Variants in IQCM observed in about 807,000 individuals in gnomAD.
The protein encoded by IQCM is IQ motif containing M.
A neutral mutation model predicts 57.6 loss-of-function variants in IQCM; 45 were observed. The ratio of observed to expected loss-of-function variants is 0.78; its 90% CI spans 0.62 to 1.00. IQCM has a LOEUF of 1.00. Ranked by LOEUF, IQCM falls within the 50% of genes least tolerant of loss-of-function variation. IQCM has a pLI of 0.00. For missense variants in IQCM, 468 were observed against 511.6 expected (o/e 0.91, Z 0.82); for synonymous variants, 148 against 158.9 (o/e 0.93, Z 0.51).
chr4:149,460,161 C>T (rs1306153657), intron 12 of IQCM, among the ~76,000 whole-genome samples: 1 of 152,066 alleles, frequency 6.6e-6, no homozygotes, highest in Non-Finnish European at 1.5e-5. Flanking sequence ...TTGCATTTCC[C>T]TAATGATTAG....
At chr4:149,697,266 G>C (rs909737595) in intron 5 of IQCM, among the ~76,000 whole-genome samples, 1 of 152,146 alleles carries the variant, frequency 6.6e-6, no homozygotes, top group East Asian at 1.9e-4. Context: ...GTCAAGGTCT[G>C]TTCCTCCTCA....
intron 12 of IQCM, among the ~76,000 whole-genome samples, chr4:149,487,086 T>C (rs1400218288): frequency 6.6e-6 from 1 of 152,146 alleles, no homozygotes; most frequent in Non-Finnish European, 1.5e-5. Context: ...AGGCTCACAG[T>C]GTACTCCCTG....
chr4:149,804,431 A>G (rs986614667), intron 2 of IQCM, among the ~76,000 whole-genome samples: 9 of 151,982 alleles, frequency 5.9e-5, no homozygotes, highest in African/African-American at 1.9e-4. Flanking sequence ...TCCACTGCCA[A>G]TGAGCTGTGA....
chr4:149,802,406 A>G (rs1773685572), intron 2 of IQCM, among the ~76,000 whole-genome samples: 1 of 151,966 alleles, frequency 6.6e-6, no homozygotes, highest in African/African-American at 2.4e-5. Context: ...GTAGCCATAA[A>G]AATTCCACAG....
chr4:149,457,675 A>G (rs963661337), intron 12 of IQCM, among the ~76,000 whole-genome samples: 2 of 152,070 alleles, frequency 1.3e-5, no homozygotes, highest in African/African-American at 4.8e-5. Context: ...ATAGAAAGTT[A>G]TTTCTTGAAA....
chr4:149,695,832 G>T (rs535613786), intron 5 of IQCM, among the ~76,000 whole-genome samples: 1 of 152,032 alleles, frequency 6.6e-6, no homozygotes, highest in Non-Finnish European at 1.5e-5. Context: ...CAGTGAGTTC[G>T]CCATGAAGAC....
In IQCM at chr4:149,669,834, A is replaced by G. The variant is rs372803465; in HGVS notation, c.565+12284T>C. ...GGGCTCTGCTTTGTTTTGTTGGTCT[A>G]TATCTCTGTTTTGGTACCAGCACCA... On this transcript the variant is annotated intron_variant, in intron 7 of 13. Transcript: ENST00000636793. Among the ~76,000 whole-genome samples, 54 of 152,204 alleles carry G rather than the reference A, an allele frequency of 3.5e-4. No homozygotes were observed. In the Middle Eastern group the frequency reaches 0.014, roughly 38 times the overall value.
intron 5 of IQCM, among the ~76,000 whole-genome samples, chr4:149,732,185 G>A (rs577766609): frequency 6.6e-6 from 1 of 152,132 alleles, no homozygotes; most frequent in African/African-American, 2.4e-5. Context: ...CAAATTCTAG[G>A]TCTACTATTA....
intron 13 of IQCM, among the ~76,000 whole-genome samples, chr4:149,353,552 A>C: frequency 6.6e-6 from 1 of 152,208 alleles, no homozygotes; most frequent in East Asian, 1.9e-4. Context: ...TTCATTGGAC[A>C]AATAGATTAA....
intron 12 of IQCM, among the ~76,000 whole-genome samples, chr4:149,528,309 C>T (rs1181000279): frequency 6.6e-6 from 1 of 152,090 alleles, no homozygotes; most frequent in Non-Finnish European, 1.5e-5. Flanking sequence ...AAATAGAATA[C>T]TCAGTTGTCT....
rs138554569 is a variant in IQCM, at chr4:149,704,589, G to A, written c.386-18121C>T. On this transcript the variant is annotated intron_variant, in intron 5 of 13. Transcript: ENST00000636793. ...GGTACTTATGAAGGAAAAGTTCTCC[G>A]GACAGAGTAATAAGGCTGAGCATAT... Among the ~76,000 whole-genome samples the A allele has an allele frequency of 2.5e-3, 377 of 151,800 alleles. 6 individuals carry two copies. In the East Asian group the frequency reaches 0.037, roughly 15 times the overall value.
chr4:149,510,685 A>G (rs764167671), intron 12 of IQCM, among the ~76,000 whole-genome samples: 17 of 152,088 alleles, frequency 1.1e-4, no homozygotes, highest in Non-Finnish European at 2.4e-4. Context: ...TTCTTTCATG[A>G]TCTTTACAGT....
intron 12 of IQCM, among the ~76,000 whole-genome samples, chr4:149,441,287 A>G (rs1449634088): frequency 6.6e-6 from 1 of 152,190 alleles, no homozygotes; most frequent in East Asian, 1.9e-4. Flanking sequence ...GGTATAATCC[A>G]TCTTGATGCA....
At chr4:149,710,886 A>G (rs2149831332) in intron 5 of IQCM, 1 of 152,186 alleles carries the variant, frequency 6.6e-6, no homozygotes, top group Non-Finnish European at 1.5e-5. Context: ...ACTAACCCAT[A>G]CAAGAAATCA....
chr4:149,411,990 TATC>T (rs1443982089), intron 13 of IQCM, among the ~76,000 whole-genome samples: 1 of 152,174 alleles, frequency 6.6e-6, no homozygotes, highest in East Asian at 1.9e-4. Flanking sequence ...TTTAGATGGA[TATC>T]ATCATATATT....
chr4:149,385,674 A>G (rs922181323), intron 13 of IQCM, among the ~76,000 whole-genome samples: 6 of 152,086 alleles, frequency 3.9e-5, no homozygotes, highest in African/African-American at 1.4e-4. Context: ...TAGATATTCC[A>G]TCCTATGTCT....
chr4:149,647,283 T>C (rs1162218217), intron 7 of IQCM, among the ~76,000 whole-genome samples: 1 of 152,196 alleles, frequency 6.6e-6, no homozygotes, highest in African/African-American at 2.4e-5. Flanking sequence ...TTTGGCTTTT[T>C]AAATCTTTAA....
chr4:149,603,082 T>C (rs1009174882), intron 8 of IQCM, among the ~76,000 whole-genome samples: 1 of 152,122 alleles, frequency 6.6e-6, no homozygotes, highest in African/African-American at 2.4e-5. Context: ...ACAAGTTATT[T>C]CCATAAATAG....
At chr4:149,398,057 A>G (rs1388103714) in intron 13 of IQCM, among the ~76,000 whole-genome samples, 1 of 152,002 alleles carries the variant, frequency 6.6e-6, no homozygotes, top group Middle Eastern at 3.2e-3. Flanking sequence ...TAGGTCTTAC[A>G]TTGATTTTTG....
Sources: allele counts gnomAD v4.1 joint callset (sites outside exome capture counted in the v4.1 genomes callset), GRCh38; gene constraint gnomAD v4.1.1; transcripts MANE v1.5; gene names NCBI Gene and HGNC (gene_info 2026-07-23, HGNC 2026-07-21).